The following PTGR1 variants were observed in gnomAD, a reference collection of about 807,000 sequenced individuals.
The protein encoded by PTGR1 is prostaglandin reductase 1, also known as 15-oxoprostaglandin 13-reductase.
A neutral mutation model predicts 37.7 loss-of-function variants in PTGR1; 23 were observed. The observed-to-expected ratio is 0.61, with a 90% CI of 0.44 to 0.86. The LOEUF is 0.86. PTGR1 is among the 40% of genes least tolerant of loss of function. The pLI is 0.00. For synonymous variants in PTGR1, 134 were observed against 140.0 expected, an observed-to-expected ratio of 0.96 and a Z score of 0.30; for missense variants, 351 against 394.3, an observed-to-expected ratio of 0.89 and a Z score of 0.93.
intron 9 of PTGR1, among the ~76,000 whole-genome samples, chr9:111,567,600 CAG>C (rs1189097729): frequency 1.3e-5 from 2 of 152,142 alleles, no homozygotes. Flanking sequence ...GAAATGAAAT[CAG>C]AGAGATATCA....
At chr9:111,594,352 G>A (rs1777597176) in intron 2 of PTGR1, 85 bp from the exon 3 acceptor site, 1 of 1,228,446 alleles carries the variant, frequency 8.1e-7, no homozygotes, top group Non-Finnish European at 1.2e-6. Flanking sequence ...GACAGGAGGG[G>A]TGAGACAGGG....
intron 9 of PTGR1, chr9:111,563,531 A>C (rs1485481738): frequency 5.2e-6 from 1 of 191,688 alleles, no homozygotes; most frequent in East Asian, 1.3e-4. Context: ...TTTGAGACAG[A>C]GTCTCGCTCT....
chr9:111,565,747 A>G (rs1057054971), intron 9 of PTGR1, among the ~76,000 whole-genome samples: 3 of 151,614 alleles, frequency 2.0e-5, no homozygotes, highest in African/African-American at 7.3e-5. Context: ...CTGGTCTTGG[A>G]CTCCTGGGCT....
At chr9:111,592,716 G>C (rs564761549) in intron 4 of PTGR1, 93 of 571,130 alleles carry the variant, frequency 1.6e-4, no homozygotes, top group African/African-American at 1.6e-3. Context: ...GGATGGCAAA[G>C]TGAAGCTGAA....
chr9:111,572,903 T>C (rs1246194329), intron 8 of PTGR1, among the ~76,000 whole-genome samples: 1 of 152,112 alleles, frequency 6.6e-6, no homozygotes, highest in Non-Finnish European at 1.5e-5. Context: ...TTTGTGCGTG[T>C]TGATGAGAAT....
chr9:111,597,261 C>T, intron 2 of PTGR1, 56 bp downstream of exon 2: 2 of 1,341,340 alleles, frequency 1.5e-6, no homozygotes, highest in South Asian at 2.4e-5. Context: ...TGTTATGCAG[C>T]AAAAGCTAAC....
intron 6 of PTGR1, 133 bp from the exon 7 acceptor site, chr9:111,579,084 A>C: frequency 1.2e-6 from 1 of 823,344 alleles, no homozygotes; most frequent in Non-Finnish European, 1.8e-6. Flanking sequence ...TAAAAGGAAT[A>C]CCATAATGGG....
chr9:111,595,631 CTTTA>C (rs1197158134), intron 2 of PTGR1, among the ~76,000 whole-genome samples: 1 of 152,056 alleles, frequency 6.6e-6, no homozygotes, highest in Non-Finnish European at 1.5e-5. Context: ...AGAGACTCAT[CTTTA>C]TTTATTTATT....
intron 1 of PTGR1, among the ~76,000 whole-genome samples, chr9:111,598,307 C>T (rs1261048020): frequency 6.6e-6 from 1 of 152,154 alleles, no homozygotes; most frequent in East Asian, 1.9e-4. Context: ...CCTGCGCCTT[C>T]CCGCGGGTGC....
At chr9:111,598,250 G>T (rs1829841856) in intron 1 of PTGR1, among the ~76,000 whole-genome samples, 1 of 152,148 alleles carries the variant, frequency 6.6e-6, no homozygotes, top group Non-Finnish European at 1.5e-5. Flanking sequence ...CCGAGCTGGG[G>T]GTTCAGGATG....
downstream of PTGR1, among the ~76,000 whole-genome samples, chr9:111,561,122 G>T (rs1300221463): frequency 1.6e-4 from 9 of 57,648 alleles, no homozygotes; most frequent in South Asian, 5.7e-4. Flanking sequence ...GAGAGAGAGA[G>T]AGAGAGAGAG....
chr9:111,583,571 G>C lies in PTGR1; in HGVS notation c.396C>G (p.Gly132=), dbSNP rs779324841. Residue 132 remains glycine (G), a synonymous_variant, in exon 6 of 10, where the codon GGC becomes GGG. Coordinates refer to ENST00000407693, the MANE Select transcript of PTGR1 (RefSeq NM_001146108.2). ...VGMPGLTAYF[G]LLEICGVKGG... is the part of the protein sequence containing the mutation. ...CCTTCACACCACAGATTTCAAGTAG[G>C]CCAAAGTAGGCAGTCAGGCTAAAGG... is the stretch of plus-strand genomic sequence containing the variant. 1.2e-6 allele frequency: 2 copies of C among 1,611,016 alleles called. No individual in the cohort carries two copies.
Position 111,590,867 on chromosome 9 carries a change from C to A in PTGR1, c.209+2059G>T, listed in dbSNP as rs182756066. Among the ~76,000 whole-genome samples the A allele has an allele frequency of 1.8e-4, 28 of 152,176 alleles. No individual in the cohort carries two copies. The East Asian group carries it at 5.4e-3, about 29-fold the overall frequency. On this transcript the variant is annotated intron_variant, in intron 4 of 9. Transcript: ENST00000407693. ...AGAAAAAATTGAAAACAGTTGTTAT[C>A]AGTAGTAGATTAGTTAAAAATAACT...
At chr9:111,576,372 T>C (rs772603607) in intron 7 of PTGR1, 3 of 1,613,988 alleles carry the variant, frequency 1.9e-6, no homozygotes, top group Non-Finnish European at 1.7e-6. Context: ...CAGACATACA[T>C]GGAGCAGTAA....
intron 3 of PTGR1, among the ~76,000 whole-genome samples, chr9:111,593,378 T>C (rs942492886): frequency 2.0e-5 from 3 of 152,192 alleles, no homozygotes; most frequent in Non-Finnish European, 4.4e-5. Context: ...TAAACTGTAT[T>C]TTCCACTTAA....
intron 4 of PTGR1, among the ~76,000 whole-genome samples, chr9:111,589,831 C>T (rs1472311614): frequency 1.3e-5 from 2 of 150,846 alleles, no homozygotes; most frequent in Non-Finnish European, 3.0e-5. Context: ...GATGAGGTTT[C>T]GCCATGTTGT....
chr9:111,560,514 G>A (rs868591121), downstream of PTGR1, among the ~76,000 whole-genome samples: 10 of 149,022 alleles, frequency 6.7e-5, no homozygotes, highest in Admixed American at 4.7e-4. Context: ...GGTGGCAGGC[G>A]CCTGTAATCT....
At chr9:111,590,567 C>A (rs186129726) in intron 4 of PTGR1, among the ~76,000 whole-genome samples, 3 of 152,298 alleles carry the variant, frequency 2.0e-5, no homozygotes, top group Admixed American at 6.5e-5. Flanking sequence ...ACATGTTGGC[C>A]AGGCTGGTCT....
chr9:111,597,478 T>C (rs1829817775), intron 1 of PTGR1, 46 bp from the exon 2 acceptor site: 6 of 1,197,910 alleles, frequency 5.0e-6, no homozygotes, highest in African/African-American at 3.0e-5. Context: ...AGTGACTGCA[T>C]TCTAACAGTT....
Sources: allele counts gnomAD v4.1 joint callset (sites outside exome capture counted in the v4.1 genomes callset), GRCh38; gene constraint gnomAD v4.1.1; transcripts MANE v1.5; gene names NCBI Gene and HGNC (gene_info 2026-07-23, HGNC 2026-07-21).